MTRFR: variants seen among roughly 807,000 people sequenced by gnomAD.
The protein encoded by MTRFR is probable peptide chain release factor C12orf65, mitochondrial.
A neutral mutation model predicts 11.9 loss-of-function variants in MTRFR; 10 were observed. The ratio of observed to expected loss-of-function variants is 0.84; its 90% CI spans 0.52 to 1.42. MTRFR has a LOEUF of 1.42. Among genes scored for constraint, MTRFR ranks in the 40% most tolerant of loss-of-function variants. The probability of loss-of-function intolerance (pLI) is 0.00; values close to 1 mark genes in which losing one functional copy is unlikely to be tolerated. For missense variants in MTRFR, 196 were observed against 197.9 expected (o/e 0.99, Z 0.06); for synonymous variants, 77 against 79.1 (o/e 0.97, Z 0.14).
intron 1 of MTRFR, chr12:123,253,301 G>C: frequency 3.4e-6 from 1 of 298,338 alleles, no homozygotes; most frequent in Non-Finnish European, 6.5e-6. Context: ...GCCTCCCAAA[G>C]TGCTTGGATT....
chr12:123,254,955 G>C (rs1428314996), intron 2 of MTRFR: 2 of 151,792 alleles, frequency 1.3e-5, no homozygotes, highest in Non-Finnish European at 2.9e-5. Context: ...AAAGAAGGTT[G>C]GTCAGAGGGG....
At chr12:123,236,634 T>C (rs975894958) in intron 1 of MTRFR, among the ~76,000 whole-genome samples, 7 of 152,070 alleles carry the variant, frequency 4.6e-5, no homozygotes, top group East Asian at 1.9e-4. Flanking sequence ...GGTTTGTATA[T>C]GTTTAAGTCC....
chr12:123,241,431 G>A (rs930092385), intron 1 of MTRFR, among the ~76,000 whole-genome samples: 7 of 152,040 alleles, frequency 4.6e-5, no homozygotes, highest in Admixed American at 2.0e-4. Context: ...TCTGCCTCCC[G>A]GGTTCAAGCA....
At chr12:123,250,056 G>C (rs1565996243) in intron 1 of MTRFR, 1 of 152,176 alleles carries the variant, frequency 6.6e-6, no homozygotes, top group Non-Finnish European at 1.5e-5. Flanking sequence ...AGACTTCTTG[G>C]AGGCTTTGTT....
intron 1 of MTRFR, among the ~76,000 whole-genome samples, chr12:123,244,929 C>CCTTTTTTTT (rs1170457743): frequency 4.7e-5 from 3 of 64,308 alleles, no homozygotes; most frequent in South Asian, 6.3e-4. Context: ...CCGCACCCGG[C>CCTTTTTTTT]ATTTTTTTTT....
rs773644413 is a variant in MTRFR at position 123,256,989 on chromosome 12, G to C, written c.459G>C (p.Lys153Asn). The C allele has an allele frequency of 8.7e-6, 14 of 1,611,824 alleles. No homozygotes were observed. The highest frequency in any genetic ancestry group is 1.2e-5 in the Non-Finnish European group (14 of 1,179,650). ...CAAAGGAAACCCTGGAAAAAAAGAAGCTACTTAAAGAACTGTGGGAGTCAA... is the reference window on the plus strand; with the variant it reads ...CAAAGGAAACCCTGGAAAAAAAGAACCTACTTAAAGAACTGTGGGAGTCAA... ...KRAKETLEKK[K>N]LLKELWESSK... The change falls in exon 3 of 3, where the codon AAG (lysine) becomes AAC (asparagine). Residue 153 changes from lysine (K) to asparagine (N), a missense_variant. Transcript: ENST00000253233.
chr12:123,249,950 C>T (rs768257856), intron 1 of MTRFR: 6 of 152,230 alleles, frequency 3.9e-5, no homozygotes, highest in Non-Finnish European at 7.3e-5. Context: ...AAGTTTTCCT[C>T]GATTATTCCC....
At chr12:123,251,216 C>G (rs1241852602) in intron 1 of MTRFR, 1 of 152,410 alleles carries the variant, frequency 6.6e-6, no homozygotes, top group Non-Finnish European at 1.5e-5. Context: ...AGTCTGTTTC[C>G]AGGCAGAGGG....
At chr12:123,244,078 A>T (rs1375732222) in intron 1 of MTRFR, 1 of 152,086 alleles carries the variant, frequency 6.6e-6, no homozygotes, top group Non-Finnish European at 1.5e-5. Context: ...ACTACAGTTT[A>T]TGAGGTTTCA....
chr12:123,251,728 G>A (rs1439601773), intron 1 of MTRFR, among the ~76,000 whole-genome samples: 1 of 152,218 alleles, frequency 6.6e-6, no homozygotes, highest in African/African-American at 2.4e-5. Context: ...TTCCTTCAGA[G>A]GGTCTGTGGG....
At chr12:123,243,327 G>A (rs1040397821) in intron 1 of MTRFR, among the ~76,000 whole-genome samples, 4 of 151,924 alleles carry the variant, frequency 2.6e-5, no homozygotes, top group Admixed American at 2.0e-4. Flanking sequence ...TCAGGAAATC[G>A]AGAACAGCCT....
At chr12:123,238,044 C>T (rs1418984196) in intron 1 of MTRFR, among the ~76,000 whole-genome samples, 2 of 151,970 alleles carry the variant, frequency 1.3e-5, no homozygotes, top group African/African-American at 2.4e-5. Flanking sequence ...TACAGGTGCA[C>T]ACCACCACAT....
At chr12:123,241,082 A>G (rs1290425927) in intron 1 of MTRFR, among the ~76,000 whole-genome samples, 1 of 151,442 alleles carries the variant, frequency 6.6e-6, no homozygotes, top group Non-Finnish European at 1.5e-5. Flanking sequence ...CTTCTCTCCA[A>G]AGTGAGAGCT....
intron 2 of MTRFR, among the ~76,000 whole-genome samples, chr12:123,255,908 G>A (rs1422150097): frequency 1.3e-5 from 2 of 152,150 alleles, no homozygotes; most frequent in African/African-American, 4.8e-5. Context: ...TTACAGGCAT[G>A]AGCCACCACG....
At chr12:123,240,295 AC>A (rs1413477983) in intron 1 of MTRFR, among the ~76,000 whole-genome samples, 1 of 151,386 alleles carries the variant, frequency 6.6e-6, no homozygotes, top group African/African-American at 2.4e-5. Flanking sequence ...AATTGCTAGA[AC>A]CCGGGAGGCG....
intron 1 of MTRFR, among the ~76,000 whole-genome samples, chr12:123,237,878 T>C (rs1039858267): frequency 3.3e-5 from 5 of 150,238 alleles, no homozygotes; most frequent in Admixed American, 2.1e-4. Context: ...TTAACTACCA[T>C]TTTACAGACA....
intron 1 of MTRFR, among the ~76,000 whole-genome samples, chr12:123,244,939 T>G (rs1300143441): frequency 3.2e-5 from 1 of 31,634 alleles, no homozygotes; most frequent in Non-Finnish European, 2.0e-4. Flanking sequence ...CATTTTTTTT[T>G]TTTTTTTTTT....
At chr12:123,248,659 C>G (rs1216406867) in intron 1 of MTRFR, 1 of 152,198 alleles carries the variant, frequency 6.6e-6, no homozygotes, top group Non-Finnish European at 1.5e-5. Flanking sequence ...AAGGAGTGAG[C>G]AGCAGTAACA....
intron 1 of MTRFR, among the ~76,000 whole-genome samples, chr12:123,246,333 C>G (rs1163837058): frequency 2.6e-5 from 4 of 152,106 alleles, no homozygotes; most frequent in Non-Finnish European, 5.9e-5. Context: ...GCCACTGCAC[C>G]CAGCCTCAGT....
Sources: allele counts gnomAD v4.1 joint callset (sites outside exome capture counted in the v4.1 genomes callset), GRCh38; gene constraint gnomAD v4.1.1; transcripts MANE v1.5; gene names NCBI Gene and HGNC (gene_info 2026-07-23, HGNC 2026-07-21).